FGF3: variants seen among roughly 807,000 people sequenced by gnomAD.
FGF3 encodes fibroblast growth factor 3.
In FGF3, 7 loss-of-function variants were observed where a neutral mutation model predicts 9.8. The observed-to-expected ratio is 0.72, with a 90% CI of 0.41 to 1.35. FGF3 has a LOEUF of 1.35. Ranked by LOEUF, FGF3 falls within the 40% of genes most tolerant of loss-of-function variation. The pLI, the probability that FGF3 is intolerant of heterozygous loss-of-function variation, is 0.01. For synonymous variants in FGF3, 173 were observed against 157.2 expected, an observed-to-expected ratio of 1.10 and a Z score of -0.75; for missense variants, 390 against 345.6, an observed-to-expected ratio of 1.13 and a Z score of -1.02.
rs1554981430 is a variant in FGF3 at position 69,818,876 on chromosome 11, C to T, written c.58G>A (p.Gly20Ser). Residue 20 changes from glycine (G) to serine (S), a missense_variant, in exon 1 of 3, where the codon GGC (glycine) becomes AGC (serine). Gly to Ser is a moderately conservative substitution (Grantham distance 56, BLOSUM62 0). Transcript: ENST00000334134. ...SLLEPGWPAAGPGARLRRDAG... is the reference protein window; with the variant it reads ...SLLEPGWPAASPGARLRRDAG... ...TCGCGCCGCAACCGCGCCCCAGGGCCCGCTGCGGGCCAGCCGGGCTCCAGC... is the reference window on the plus strand; with the variant it reads ...TCGCGCCGCAACCGCGCCCCAGGGCTCGCTGCGGGCCAGCCGGGCTCCAGC... The T allele has an allele frequency of 6.8e-7, 1 of 1,462,678 alleles. No homozygotes were observed. 90.6% of individuals were successfully genotyped at this position (1,462,678 alleles called of 1,614,324 possible).
intron 2 of FGF3, among the ~76,000 whole-genome samples, chr11:69,810,967 C>G (rs553788604): frequency 6.6e-6 from 1 of 152,358 alleles, no homozygotes; most frequent in East Asian, 1.9e-4. Flanking sequence ...CTCCTGCTCT[C>G]TGGGTTCCAC....
At chr11:69,810,974 C>T (rs1856021280) in intron 2 of FGF3, among the ~76,000 whole-genome samples, 1 of 152,228 alleles carries the variant, frequency 6.6e-6, no homozygotes, top group Admixed American at 6.5e-5. Flanking sequence ...TCTCTGGGTT[C>T]CACCAGCCTC....
Position 69,819,392 on chromosome 11 carries a change from C to A in FGF3, c.-459G>T, listed in dbSNP as rs1273754038. The stretch of plus-strand genomic sequence containing the variant: ...CGGCTCCGCTCCGCAGCGCGCCCCA[C>A]GCCCCCGAAAGCCCTCCTGGCTCTG... On this transcript the variant is annotated 5_prime_UTR_variant, in exon 1 of 3. Coordinates refer to ENST00000334134, the MANE Select transcript of FGF3 (RefSeq NM_005247.4). Among the ~76,000 whole-genome samples, 1 of 151,894 alleles carries A rather than the reference C, an allele frequency of 6.6e-6. No individual in the cohort carries two copies.
At chr11:69,817,150 G>T (rs1554981180) in intron 1 of FGF3, among the ~76,000 whole-genome samples, 2 of 152,088 alleles carry the variant, frequency 1.3e-5, no homozygotes, top group Non-Finnish European at 2.9e-5. Flanking sequence ...GCTGTGGTGG[G>T]GGCTGGGGGC....
intron 2 of FGF3, 26 bp from the exon 3 acceptor site, chr11:69,810,726 G>A: frequency 6.5e-7 from 1 of 1,537,866 alleles, no homozygotes; most frequent in East Asian, 2.3e-5. Context: ...ATCATGGTCA[G>A]TGCCCCGGGG....
At chr11:69,817,418 A>C (rs1856152329) in intron 1 of FGF3, 1 of 152,258 alleles carries the variant, frequency 6.6e-6, no homozygotes, top group South Asian at 2.1e-4. Flanking sequence ...CCAGCGAAGC[A>C]CGAGTCTCGA....
In FGF3 at chr11:69,818,800, C is replaced by T; in HGVS notation, c.134G>A (p.Arg45His). The part of the protein sequence containing the change: ...VYEHLGGAPR[R>H]RKLYCATKYH... ...CTTCGTGGCGCAGTAGAGCTTGCGGCGCCGGGGCGCCCCGCCAAGGTGCTC... is the reference window on the plus strand; with the variant it reads ...CTTCGTGGCGCAGTAGAGCTTGCGGTGCCGGGGCGCCCCGCCAAGGTGCTC... Residue 45 changes from arginine (R) to histidine (H), a missense_variant, in exon 1 of 3, where the codon CGC (arginine) becomes CAC (histidine). Coordinates refer to ENST00000334134, the MANE Select transcript of FGF3 (RefSeq NM_005247.4). 6.7e-7 allele frequency: 1 copy of T among 1,491,554 alleles called. No individual in the cohort carries two copies. Among genetic ancestry groups the T allele is most frequent in the South Asian group, 1.3e-5 (1 of 79,730 alleles). The allele number at this position is 1,491,554 out of a possible 1,614,324, so 92.4% of individuals were successfully genotyped here. A position where few individuals can be genotyped will look rare whatever the true frequency, so the allele number is the denominator to read the frequency against.
intron 2 of FGF3, among the ~76,000 whole-genome samples, chr11:69,811,548 G>C (rs1049397613): frequency 8.5e-5 from 13 of 152,120 alleles, no homozygotes; most frequent in Non-Finnish European, 1.5e-4. Flanking sequence ...ACACAGCCAG[G>C]TTTGATGAGC....
rs116602980 is a variant in FGF3, at chr11:69,812,934, C to T, written c.325-2234G>A. Among the ~76,000 whole-genome samples, 1,216 of 151,390 alleles carry T rather than the reference C, an allele frequency of 8.0e-3. 14 individuals carry two copies. The highest frequency in any genetic ancestry group is 0.027 in the African/African-American group (1,126 of 41,266). Reference sequence around the variant, plus strand: ...GGGCAGTGTAGATCAATTGCTGACACGTGGTAGGGCACCTGGGGTGGCCAA... The same window carrying T: ...GGGCAGTGTAGATCAATTGCTGACATGTGGTAGGGCACCTGGGGTGGCCAA... On this transcript the variant is annotated intron_variant, in intron 2 of 2. Transcript: ENST00000334134.
At chr11:69,816,454 C>T (rs1554981094) in intron 1 of FGF3, 31 bp from the exon 2 acceptor site, 1 of 1,575,294 alleles carries the variant, frequency 6.3e-7, no homozygotes. Flanking sequence ...CTCACTCCCG[C>T]CGCCCCCACG....
chr11:69,819,044 G>A lies in FGF3; in HGVS notation c.-111C>T, dbSNP rs1856195146. ...GTGCTCGGAGCGGGATCCCGCGCCT[G>A]GAGATGCTGACTCCGGCTTCGCGGG... On this transcript the variant is annotated 5_prime_UTR_variant, in exon 1 of 3. Coordinates refer to ENST00000334134, the MANE Select transcript of FGF3 (RefSeq NM_005247.4). The A allele has an allele frequency of 9.5e-6, 6 of 629,964 alleles. No homozygotes were observed. In the Admixed American group the frequency reaches 2.0e-4, roughly 21 times the overall value. 39.0% of individuals were successfully genotyped at this position (629,964 alleles called of 1,614,324 possible). A position where few individuals can be genotyped will look rare whatever the true frequency, so the allele number is the denominator to read the frequency against.
intron 2 of FGF3, among the ~76,000 whole-genome samples, chr11:69,813,411 G>A (rs183379089): frequency 3.9e-5 from 6 of 152,346 alleles, no homozygotes; most frequent in African/African-American, 1.4e-4. Flanking sequence ...TGCGCATCAT[G>A]GGAGTCCTCA....
chr11:69,816,471 G>A (rs376157439), intron 1 of FGF3, 48 bp from the exon 2 acceptor site: 16 of 1,472,598 alleles, frequency 1.1e-5, no homozygotes, highest in Non-Finnish European at 1.4e-5. Context: ...CACGGAGGGG[G>A]CGGCTGAGGC....
At chr11:69,818,285 G>A (rs1856174439) in intron 1 of FGF3, among the ~76,000 whole-genome samples, 1 of 152,188 alleles carries the variant, frequency 6.6e-6, no homozygotes, top group South Asian at 2.1e-4. Context: ...TAAATGCCTT[G>A]TCCGGCTCCT....
At chr11:69,818,640 G>T (rs1397274953) in intron 1 of FGF3, 74 bp downstream of exon 1, 1 of 1,174,484 alleles carries the variant, frequency 8.5e-7, no homozygotes, top group Non-Finnish European at 1.1e-6. Flanking sequence ...GCGGGGCCCC[G>T]CAGCGCGCCT....
At chr11:69,814,829 G>A (rs948135797) in intron 2 of FGF3, among the ~76,000 whole-genome samples, 2 of 152,204 alleles carry the variant, frequency 1.3e-5, no homozygotes, top group Non-Finnish European at 2.9e-5. Context: ...CAGGCTGTGA[G>A]TTCTCAGGCA....
chr11:69,818,120 A>T (rs1027638192), intron 1 of FGF3, among the ~76,000 whole-genome samples: 1 of 152,086 alleles, frequency 6.6e-6, no homozygotes, highest in Admixed American at 6.5e-5. Context: ...GGCCGCGGCC[A>T]GGGAACCGAG....
At chr11:69,816,067 A>C (rs1856126990) in intron 2 of FGF3, among the ~76,000 whole-genome samples, 1 of 152,074 alleles carries the variant, frequency 6.6e-6, no homozygotes, top group African/African-American at 2.4e-5. Context: ...GATGGGGGAA[A>C]CCTTTGCTAA....
chr11:69,818,946 C>T lies in FGF3; in HGVS notation c.-13G>A, dbSNP rs782781970. On this transcript the variant is annotated 5_prime_UTR_variant, in exon 1 of 3. Coordinates refer to ENST00000334134, the MANE Select transcript of FGF3 (RefSeq NM_005247.4). Reference sequence around the variant, plus strand: ...AGATTAGGCCCATCGTGGCATCGCGCCCGCCCCGCGGCGGCGGCGGCTGCA... The same window carrying T: ...AGATTAGGCCCATCGTGGCATCGCGTCCGCCCCGCGGCGGCGGCGGCTGCA... 63 of 1,455,292 alleles carry T rather than the reference C, an allele frequency of 4.3e-5. No individual in the cohort carries two copies. The South Asian group carries it at 8.2e-4, about 19-fold the overall frequency. 90.1% of individuals were successfully genotyped at this position (1,455,292 alleles called of 1,614,324 possible).
Sources: allele counts gnomAD v4.1 joint callset (sites outside exome capture counted in the v4.1 genomes callset), GRCh38; gene constraint gnomAD v4.1.1; transcripts MANE v1.5; gene names NCBI Gene and HGNC (gene_info 2026-07-23, HGNC 2026-07-21).